Variants in SKAP1 observed in about 807,000 individuals in gnomAD.
The protein encoded by SKAP1 is src kinase-associated phosphoprotein 1.
In SKAP1, 44 loss-of-function variants were observed where a neutral mutation model predicts 58.5. That is an observed-to-expected ratio of 0.75 (90% CI 0.59 to 0.97). The LOEUF is 0.97. Ranked by LOEUF, SKAP1 falls within the 50% of genes least tolerant of loss-of-function variation. The pLI is 0.00. For synonymous variants in SKAP1, 127 were observed against 149.7 expected (o/e 0.85, Z 1.11); for missense variants, 390 against 435.2 (o/e 0.90, Z 0.92).
intron 8 of SKAP1, 33 bp from the exon 9 acceptor site, chr17:48,180,281 A>G (rs1373701971): frequency 4.1e-6 from 6 of 1,461,280 alleles, no homozygotes; most frequent in Non-Finnish European, 5.5e-6. Context: ...GAATCAAGAA[A>G]CAGAGAAAAA....
At chr17:48,204,668 T>TC (rs1167979989) in intron 4 of SKAP1, 4 of 152,198 alleles carry the variant, frequency 2.6e-5, no homozygotes, top group Non-Finnish European at 2.9e-5. Flanking sequence ...GGATCTGATC[T>TC]TTGGCATTAC....
chr17:48,158,288 T>G (rs956832838), intron 11 of SKAP1, among the ~76,000 whole-genome samples: 3 of 151,564 alleles, frequency 2.0e-5, no homozygotes, highest in Non-Finnish European at 4.4e-5. Context: ...GGCTCACGCC[T>G]GTAATCCTAA....
chr17:48,230,164 G>A (rs1427437932), intron 4 of SKAP1, among the ~76,000 whole-genome samples: 1 of 152,098 alleles, frequency 6.6e-6, no homozygotes, highest in East Asian at 1.9e-4. Flanking sequence ...AAAAGATGTT[G>A]ATTTCCTGTA....
intron 10 of SKAP1, among the ~76,000 whole-genome samples, chr17:48,168,108 A>G (rs533950500): frequency 2.6e-5 from 4 of 152,308 alleles, no homozygotes; most frequent in Admixed American, 2.6e-4. Flanking sequence ...TACATCTTAC[A>G]GGGTCATTAA....
chr17:48,186,577 C>T (rs1450888252), intron 6 of SKAP1, among the ~76,000 whole-genome samples: 1 of 152,050 alleles, frequency 6.6e-6, no homozygotes, highest in Non-Finnish European at 1.5e-5. Context: ...CCTCCACCTC[C>T]TGGGTTCAAG....
chr17:48,168,584 G>A (rs968050925), intron 10 of SKAP1, among the ~76,000 whole-genome samples: 2 of 152,230 alleles, frequency 1.3e-5, no homozygotes, highest in Admixed American at 6.5e-5. Context: ...TTGAACCTGG[G>A]AGGCAGAGGT....
chr17:48,242,939 A>G (rs954981431), intron 4 of SKAP1, among the ~76,000 whole-genome samples: 1 of 152,196 alleles, frequency 6.6e-6, no homozygotes, highest in African/African-American at 2.4e-5. Flanking sequence ...TTTTTTGGAG[A>G]AAGTTCTGTA....
At chr17:48,442,399 T>C in the SKAP1 span, among the ~76,000 whole-genome samples, 32 of 152,224 alleles carry the variant, frequency 2.1e-4, no homozygotes, top group African/African-American at 3.4e-4. Context: ...TGAATCATTA[T>C]AGAAAAGTTT....
chr17:48,213,764 T>G (rs2064904843), intron 4 of SKAP1, among the ~76,000 whole-genome samples: 1 of 152,244 alleles, frequency 6.6e-6, no homozygotes, highest in Non-Finnish European at 1.5e-5. Context: ...TTTCACTTAT[T>G]CTAGATAGAA....
chr17:48,263,101 G>A (rs570555656), intron 4 of SKAP1, among the ~76,000 whole-genome samples: 8 of 152,126 alleles, frequency 5.3e-5, no homozygotes, highest in Admixed American at 3.9e-4. Flanking sequence ...CCTCAAAATT[G>A]TACCTACTTA....
intron 10 of SKAP1, among the ~76,000 whole-genome samples, chr17:48,166,567 A>G (rs142218905): frequency 1.3e-5 from 2 of 152,308 alleles, no homozygotes; most frequent in African/African-American, 4.8e-5. Flanking sequence ...GTAGCGACAG[A>G]ATTCAGGCTG....
At chr17:48,358,100 A>G (rs985813332) in intron 3 of SKAP1, among the ~76,000 whole-genome samples, 4 of 152,210 alleles carry the variant, frequency 2.6e-5, no homozygotes, top group African/African-American at 9.7e-5. Context: ...TTTATAAAAT[A>G]TCAGCATTCC....
chr17:48,377,649 C>G (rs2067167264), intron 2 of SKAP1, among the ~76,000 whole-genome samples: 1 of 151,260 alleles, frequency 6.6e-6, no homozygotes, highest in Non-Finnish European at 1.5e-5. Context: ...TTCTCCAGAA[C>G]TGAATAGCTT....
intron 9 of SKAP1, among the ~76,000 whole-genome samples, chr17:48,173,186 TAA>T (rs11453633): frequency 6.9e-6 from 1 of 144,602 alleles, no homozygotes; most frequent in Non-Finnish European, 1.5e-5. Context: ...ACCTTGTCTC[TAA>T]AAAAAAAAAA....
intron 2 of SKAP1, among the ~76,000 whole-genome samples, chr17:48,396,248 T>C (rs1373769862): frequency 6.6e-6 from 1 of 152,216 alleles, no homozygotes; most frequent in Non-Finnish European, 1.5e-5. Flanking sequence ...AAGAATCAAC[T>C]TGATAAGTCT....
intron 1 of SKAP1, among the ~76,000 whole-genome samples, chr17:48,427,786 C>A (rs1053693130): frequency 3.3e-5 from 5 of 151,704 alleles, no homozygotes; most frequent in African/African-American, 1.2e-4. Flanking sequence ...TGTGGAAACC[C>A]CACCCCCACA....
chr17:48,180,253 CA>C lies in SKAP1; in HGVS notation c.632-6del. On this transcript the variant is annotated splice_polypyrimidine_tract_variant and splice_region_variant and intron_variant, in intron 8 of 12. Transcript: ENST00000336915. ...GAATGGTTAAGGAGCTCAGATCTAA[CA>C]AGGCAAAGATGAGAATGAATCAAGA... 1 of 1,548,154 alleles carries C rather than the reference CA, an allele frequency of 6.5e-7. No individual in the cohort carries two copies. The highest frequency in any genetic ancestry group is 8.7e-7 in the Non-Finnish European group (1 of 1,146,466).
At chr17:48,239,379 G>A (rs368157897) in intron 4 of SKAP1, among the ~76,000 whole-genome samples, 2 of 152,160 alleles carry the variant, frequency 1.3e-5, no homozygotes, top group Non-Finnish European at 2.9e-5. Context: ...GCAGTAAATC[G>A]GAATCCTCTC....
the SKAP1 span, among the ~76,000 whole-genome samples, chr17:48,440,991 GTC>G: frequency 1.3e-5 from 2 of 152,154 alleles, no homozygotes; most frequent in African/African-American, 4.8e-5. Context: ...AGTTTCTTTG[GTC>G]ACTTGGATGC....
Sources: allele counts gnomAD v4.1 joint callset (sites outside exome capture counted in the v4.1 genomes callset), GRCh38; gene constraint gnomAD v4.1.1; transcripts MANE v1.5; gene names NCBI Gene and HGNC (gene_info 2026-07-23, HGNC 2026-07-21).